Variants in CCSAP observed in about 807,000 individuals in gnomAD.
CCSAP encodes centriole, cilia and spindle-associated protein.
CCSAP carries 17 observed loss-of-function variants against 25.9 expected under a neutral mutation model. That is an observed-to-expected ratio of 0.66 (90% confidence interval 0.45 to 0.99). The LOEUF (loss-of-function observed/expected upper bound fraction) is 0.99. Ranked by LOEUF, CCSAP falls within the 50% of genes least tolerant of loss-of-function variation. The probability of loss-of-function intolerance (pLI) is 0.00; values close to 1 mark genes in which losing one functional copy is unlikely to be tolerated. For missense variants in CCSAP, 339 were observed against 367.8 expected, an observed-to-expected ratio of 0.92 and a Z score of 0.64; for synonymous variants, 169 against 157.1, an observed-to-expected ratio of 1.08 and a Z score of -0.57.
Position 229,342,533 on chromosome 1 carries a change from A to C in CCSAP, c.-48-20T>G. Reference sequence around the variant, plus strand: ...CGCAGCCTACGGGACCCGGTACACGACACAGAGGCCGCCCCGCCCCTCCGC... The same window carrying C: ...CGCAGCCTACGGGACCCGGTACACGCCACAGAGGCCGCCCCGCCCCTCCGC... On this transcript the variant is annotated intron_variant, in intron 1 of 3. Coordinates refer to ENST00000284617, the MANE Select transcript of CCSAP (RefSeq NM_145257.5). This position sits in a 1 kb window ranked among gnomAD's most constrained non-coding sequence, Gnocchi z 7.5. 1 of 1,081,362 alleles carries C rather than the reference A, an allele frequency of 9.2e-7. No individual in the cohort carries two copies. The highest frequency in any genetic ancestry group is 3.9e-5 in the South Asian group (1 of 25,748). The allele number at this position is 1,081,362 out of a possible 1,614,324, so 67.0% of individuals were successfully genotyped here.
intron 2 of CCSAP, among the ~76,000 whole-genome samples, chr1:229,333,431 GAAAAAAAAAA>G (rs368401348): frequency 2.8e-5 from 2 of 70,498 alleles, no homozygotes; most frequent in South Asian, 5.5e-4. Flanking sequence ...AGACTCCATC[GAAAAAAAAAA>G]AAAAAAAAAA....
chr1:229,338,329 A>T (rs534572469), intron 2 of CCSAP, among the ~76,000 whole-genome samples: 1 of 152,350 alleles, frequency 6.6e-6, no homozygotes, highest in East Asian at 1.9e-4. Flanking sequence ...CATGGGTGGG[A>T]AATGGGGCAG....
At chr1:229,336,216 TTACAC>T (rs1658191797) in intron 2 of CCSAP, among the ~76,000 whole-genome samples, 1 of 150,864 alleles carries the variant, frequency 6.6e-6, no homozygotes, top group Non-Finnish European at 1.5e-5. Flanking sequence ...GGTAATTTTG[TTACAC>T]AGCAATTGAC....
rs1165485214 is a variant in CCSAP, at chr1:229,321,020, T to G, written c.*4215A>C. On this transcript the variant is annotated 3_prime_UTR_variant, in exon 4 of 4. Coordinates refer to ENST00000284617, the MANE Select transcript of CCSAP (RefSeq NM_145257.5). ...CACAAAAGAGTCTCAGCTTGTAATG[T>G]TAATTAACTTTATTCACATTTTTCC... 2 of 152,242 alleles carry G rather than the reference T, an allele frequency of 1.3e-5. No homozygotes were observed. The highest frequency in any genetic ancestry group is 4.8e-5 in the African/African-American group (2 of 41,466). 9.4% of individuals were successfully genotyped at this position (152,242 alleles called of 1,614,324 possible). A position where few individuals can be genotyped will look rare whatever the true frequency, so the allele number is the denominator to read the frequency against.
chr1:229,341,685 G>A (rs1332374091), intron 2 of CCSAP, among the ~76,000 whole-genome samples: 1 of 152,186 alleles, frequency 6.6e-6, no homozygotes, highest in Non-Finnish European at 1.5e-5. Context: ...TAGCTCTGTG[G>A]TTCTTAACCT....
Position 229,342,495 on chromosome 1 carries a change from G to A in CCSAP, c.-30C>T, listed in dbSNP as rs1278650855. On this transcript the variant is annotated 5_prime_UTR_variant, in exon 2 of 4. Transcript: ENST00000284617. The surrounding 1 kb of genome is among the most constrained non-coding windows in gnomAD (Gnocchi z 7.5). ...CCGTCCGCCGCCTCGAGCGCCAGCC[G>A]CTCCTCGCTGCCCGCAGCCTACGGG... The A allele has an allele frequency of 2.3e-6, 3 of 1,309,804 alleles. No homozygotes were observed. The highest frequency in any genetic ancestry group is 2.9e-6 in the Non-Finnish European group (3 of 1,022,752). The allele number at this position is 1,309,804 out of a possible 1,614,324, so 81.1% of individuals were successfully genotyped here. A position where few individuals can be genotyped will look rare whatever the true frequency, so the allele number is the denominator to read the frequency against.
At chr1:229,341,193 C>CAAAAAAAAAAAAAAAAAAAAAAA (rs71561730) in intron 2 of CCSAP, among the ~76,000 whole-genome samples, 42 of 91,092 alleles carry the variant, frequency 4.6e-4, no homozygotes, top group African/African-American at 1.9e-3. Context: ...GACTCCGTCT[C>CAAAAAAAAAAAAAAAAAAAAAAA]AAAAAAAAAA....
chr1:229,338,453 G>A (rs1658252671), intron 2 of CCSAP, among the ~76,000 whole-genome samples: 2 of 151,868 alleles, frequency 1.3e-5, no homozygotes, highest in South Asian at 4.2e-4. Flanking sequence ...AGGAATCGGA[G>A]ACAGTCTAGA....
At chr1:229,340,414 T>C (rs1466829747) in intron 2 of CCSAP, 1 of 717,058 alleles carries the variant, frequency 1.4e-6, no homozygotes, top group Admixed American at 2.0e-5. Context: ...AGCTGGTAAA[T>C]ACAGGCACCA....
At chr1:229,336,332 C>A (rs1164163426) in intron 2 of CCSAP, among the ~76,000 whole-genome samples, 1 of 151,834 alleles carries the variant, frequency 6.6e-6, no homozygotes. Context: ...GCAGGGGAGG[C>A]TTGGACTTCA....
At position 229,336,175 on chromosome 1, in the gene CCSAP, T is replaced by G. The variant is rs1658190691; in HGVS notation, c.367+5924A>C. Among the ~76,000 whole-genome samples the G allele has an allele frequency of 3.4e-5, 5 of 148,620 alleles. No individual in the cohort carries two copies. In the South Asian group the frequency reaches 1.1e-3, roughly 32 times the overall value. On this transcript the variant is annotated intron_variant, in intron 2 of 3. Transcript: ENST00000284617. The stretch of plus-strand genomic sequence containing the variant: ...TCTCCCAGATACCAAGGGACAACTG[T>G]TTTTACTAGTTTTAAGCTACTAATT...
chr1:229,338,103 A>G (rs1185617984), intron 2 of CCSAP, among the ~76,000 whole-genome samples: 1 of 152,180 alleles, frequency 6.6e-6, no homozygotes, highest in African/African-American at 2.4e-5. Flanking sequence ...CATATAGTTA[A>G]TATTGTGGGG....
chr1:229,329,038 T>G (rs1031226530), intron 2 of CCSAP, among the ~76,000 whole-genome samples: 1 of 152,230 alleles, frequency 6.6e-6, no homozygotes, highest in Non-Finnish European at 1.5e-5. Context: ...TCCACACGCT[T>G]TCTCCTCCTC....
intron 2 of CCSAP, among the ~76,000 whole-genome samples, chr1:229,330,768 C>T (rs1435021634): frequency 1.3e-5 from 2 of 151,674 alleles, no homozygotes; most frequent in Non-Finnish European, 1.5e-5. Context: ...TAGTGTGAAC[C>T]CGGGAGGCGG....
intron 2 of CCSAP, among the ~76,000 whole-genome samples, chr1:229,334,576 TTAAAG>T (rs1393252140): frequency 6.7e-6 from 1 of 150,038 alleles, no homozygotes; most frequent in African/African-American, 2.5e-5. Context: ...CCAAAGAAAA[TTAAAG>T]TAAGGAAAAA....
chr1:229,331,937 G>C (rs1202375386), intron 2 of CCSAP, among the ~76,000 whole-genome samples: 10 of 151,734 alleles, frequency 6.6e-5, no homozygotes, highest in Admixed American at 6.6e-4. Flanking sequence ...GTGTGTGCTG[G>C]GCTCAAGCAA....
At position 229,326,972 on chromosome 1, in the gene CCSAP, T is replaced by C; in HGVS notation, c.402A>G (p.Glu134=). The C allele has an allele frequency of 6.2e-7, 1 of 1,613,898 alleles. No individual in the cohort carries two copies. The highest frequency in any genetic ancestry group is 2.2e-5 in the East Asian group (1 of 44,880). ...LPVKDVEDKP[E]QQTRTRETDK... ...CAGTCTCTCTTGTTCTGGTTTGTTG[T>C]TCAGGTTTATCTTCTACATCTTTCA... Residue 134 remains glutamate (E), a synonymous_variant, in exon 3 of 4, where the codon GAA becomes GAG. Transcript: ENST00000284617.
At chr1:229,337,702 C>CATATAT (rs1394833041) in intron 2 of CCSAP, among the ~76,000 whole-genome samples, 1 of 48,590 alleles carries the variant, frequency 2.1e-5, no homozygotes, top group Non-Finnish European at 4.3e-5. Flanking sequence ...TATATATACA[C>CATATAT]ATACATATAT....
rs1473619585 is a variant in CCSAP at position 229,337,698 on chromosome 1, T to TATATATAC, written c.367+4400_367+4401insGTATATAT. 3.6e-3 allele frequency among the ~76,000 whole-genome samples: 215 copies of TATATATAC among 60,130 alleles called. 1 individual carries two copies. Among genetic ancestry groups the TATATATAC allele is most frequent in the African/African-American group, 6.2e-3 (95 of 15,380 alleles). The allele number at this position is 60,130 out of a possible 152,430, so 39.4% of individuals were successfully genotyped here. ...AAAAAAATATATATATATATATATATACACATACATATATATATATGTATA... is the reference window on the plus strand; with the variant it reads ...AAAAAAATATATATATATATATATATATATATACACACATACATATATATATATGTATA... On this transcript the variant is annotated intron_variant, in intron 2 of 3. Transcript: ENST00000284617.
Sources: allele counts gnomAD v4.1 joint callset (sites outside exome capture counted in the v4.1 genomes callset), GRCh38; gene constraint gnomAD v4.1.1; non-coding constraint Gnocchi (gnomAD v3.1); transcripts MANE v1.5; gene names NCBI Gene and HGNC (gene_info 2026-07-23, HGNC 2026-07-21).